Variants in WWOX observed in about 807,000 individuals in gnomAD.
WWOX encodes WW domain-containing oxidoreductase.
Under a neutral mutation model 46.2 loss-of-function variants are expected in WWOX, and 69 were observed. The observed-to-expected ratio is 1.49, with a 90% CI of 1.23 to 1.82. The LOEUF is 1.82. Among genes scored for constraint, WWOX ranks in the 40% most tolerant of loss-of-function variants. The pLI, the probability that WWOX is intolerant of heterozygous loss-of-function variation, is 0.00. For synonymous variants in WWOX, 359 were observed against 202.6 expected, an observed-to-expected ratio of 1.77 and a Z score of -6.56; for missense variants, 919 against 542.6, an observed-to-expected ratio of 1.69 and a Z score of -6.89.
chr16:78,115,518 G>A (rs192998744), intron 4 of WWOX, among the ~76,000 whole-genome samples: 22 of 152,278 alleles, frequency 1.4e-4, no homozygotes, highest in Non-Finnish European at 2.2e-4. Context: ...AATAGAATAC[G>A]GGGAACAACA....
At chr16:79,134,205 A>C (rs2049938657) in intron 8 of WWOX, among the ~76,000 whole-genome samples, 1 of 152,124 alleles carries the variant, frequency 6.6e-6, no homozygotes, top group Non-Finnish European at 1.5e-5. Flanking sequence ...CTTACAAAGG[A>C]AAAAGAAAGA....
chr16:78,300,796 C>G (rs577165000), intron 5 of WWOX, among the ~76,000 whole-genome samples: 1 of 152,126 alleles, frequency 6.6e-6, no homozygotes. Context: ...TGGGACAGCT[C>G]TTAGGGATTT....
chr16:78,793,614 A>T (rs563206122), intron 8 of WWOX, among the ~76,000 whole-genome samples: 8 of 152,218 alleles, frequency 5.3e-5, no homozygotes, highest in Non-Finnish European at 1.0e-4. Context: ...TTTAAATATT[A>T]TTCAATGTGC....
intron 8 of WWOX, among the ~76,000 whole-genome samples, chr16:78,558,181 G>A (rs577041699): frequency 6.6e-5 from 10 of 152,090 alleles, no homozygotes; most frequent in East Asian, 1.9e-4. Context: ...CCGCCTTCCC[G>A]GAGGTCAGCT....
intron 6 of WWOX, among the ~76,000 whole-genome samples, chr16:78,387,949 G>C (rs1371006736): frequency 6.6e-6 from 1 of 152,014 alleles, no homozygotes; most frequent in Non-Finnish European, 1.5e-5. Flanking sequence ...CATTAGTTCT[G>C]CAGTGTTGCA....
chr16:79,201,343 CTTTTTT>C (rs5818210), intron 8 of WWOX, among the ~76,000 whole-genome samples: 43 of 143,648 alleles, frequency 3.0e-4, no homozygotes, highest in South Asian at 1.1e-3. Flanking sequence ...TTTTTCTTTT[CTTTTTT>C]TTTTTTTTTT....
chr16:78,396,828 G>A (rs983263792), intron 6 of WWOX, among the ~76,000 whole-genome samples: 1 of 152,126 alleles, frequency 6.6e-6, no homozygotes, highest in African/African-American at 2.4e-5. Flanking sequence ...AAAGTAGCCT[G>A]GGACAACACA....
chr16:79,100,079 T>A (rs1009934304), intron 8 of WWOX, among the ~76,000 whole-genome samples: 2 of 152,228 alleles, frequency 1.3e-5, no homozygotes, highest in Non-Finnish European at 2.9e-5. Flanking sequence ...CATCTAAGAT[T>A]ATCTCCCTTC....
chr16:78,985,077 G>A (rs1399920712), intron 8 of WWOX, among the ~76,000 whole-genome samples: 5 of 152,138 alleles, frequency 3.3e-5, no homozygotes, highest in African/African-American at 1.2e-4. Context: ...AGCTCTGGCC[G>A]CCCAGTTTTT....
intron 5 of WWOX, among the ~76,000 whole-genome samples, chr16:78,360,966 A>G (rs926486644): frequency 3.3e-5 from 5 of 152,014 alleles, no homozygotes; most frequent in Non-Finnish European, 7.4e-5. Flanking sequence ...GACTATACGC[A>G]TGCACCACCA....
At chr16:79,020,831 G>C (rs569527752) in intron 8 of WWOX, among the ~76,000 whole-genome samples, 2 of 152,272 alleles carry the variant, frequency 1.3e-5, no homozygotes, top group South Asian at 4.2e-4. Context: ...TGGTCACTTT[G>C]AGGTTTGATG....
intron 5 of WWOX, among the ~76,000 whole-genome samples, chr16:78,195,191 C>T (rs950713132): frequency 2.6e-5 from 4 of 152,178 alleles, no homozygotes; most frequent in African/African-American, 9.7e-5. Flanking sequence ...AGATCTCAGT[C>T]TCTCATCTGG....
intron 8 of WWOX, among the ~76,000 whole-genome samples, chr16:78,765,346 CTGACT>C (rs2049902156): frequency 6.6e-6 from 1 of 152,204 alleles, no homozygotes; most frequent in Non-Finnish European, 1.5e-5. Context: ...GGGCTTTGCT[CTGACT>C]TCAGGAAGCA....
chr16:78,312,371 A>C (rs1165153883), intron 5 of WWOX, among the ~76,000 whole-genome samples: 1 of 107,388 alleles, frequency 9.3e-6, no homozygotes, highest in Non-Finnish European at 1.9e-5. Context: ...CTGGAGTTGT[A>C]GGTCTAATTC....
chr16:78,849,978 A>G (rs1214110007), intron 8 of WWOX, among the ~76,000 whole-genome samples: 1 of 152,148 alleles, frequency 6.6e-6, no homozygotes, highest in African/African-American at 2.4e-5. Flanking sequence ...AGGCTGAGGC[A>G]GGAGAATAGC....
At chr16:78,102,602 C>A (rs1342091652) in intron 1 of WWOX, among the ~76,000 whole-genome samples, 3 of 152,240 alleles carry the variant, frequency 2.0e-5, no homozygotes, top group East Asian at 1.9e-4. Flanking sequence ...TCCTTCTCAT[C>A]CTTCAGAGCT....
chr16:78,519,684 G>A (rs572429004), intron 8 of WWOX, among the ~76,000 whole-genome samples: 1 of 152,144 alleles, frequency 6.6e-6, no homozygotes, highest in South Asian at 2.1e-4. Context: ...TAATCCCCAT[G>A]AATGGGTTTA....
At chr16:78,567,920 C>T (rs1291046547) in intron 8 of WWOX, among the ~76,000 whole-genome samples, 1 of 152,286 alleles carries the variant, frequency 6.6e-6, no homozygotes, top group South Asian at 2.1e-4. Context: ...CCTTGTTTTC[C>T]AGTGGCTCAC....
At chr16:78,908,434 G>T (rs907313964) in intron 8 of WWOX, among the ~76,000 whole-genome samples, 1 of 151,904 alleles carries the variant, frequency 6.6e-6, no homozygotes, top group Non-Finnish European at 1.5e-5. Context: ...TAGCTAGTCG[G>T]GAGGCAGAGG....
Sources: gnomAD v4.1 joint callset for allele counts (sites outside exome capture counted in the v4.1 genomes callset) on GRCh38, gnomAD v4.1.1 for gene constraint, MANE v1.5 for transcripts, NCBI Gene and HGNC (gene_info 2026-07-23, HGNC 2026-07-21) for gene names.